Variants in CLIC5 observed in about 807,000 individuals in gnomAD.
CLIC5 encodes CLIC family member 5, also known as chloride intracellular channel protein 5.
In CLIC5, 20 loss-of-function variants were observed where a neutral mutation model predicts 24.7. The ratio of observed to expected loss-of-function variants is 0.81; its 90% CI spans 0.57 to 1.18. The LOEUF is 1.18. Ranked by LOEUF, CLIC5 falls within the 50% of genes most tolerant of loss-of-function variation. The probability of loss-of-function intolerance (pLI) is 0.00; values close to 1 mark genes in which losing one functional copy is unlikely to be tolerated. For synonymous variants in CLIC5, 159 were observed against 135.6 expected (o/e 1.17, Z -1.20); for missense variants, 341 against 326.1 (o/e 1.05, Z -0.35).
At chr6:46,019,994 T>C (rs911137343), upstream of CLIC5, among the ~76,000 whole-genome samples, 2 of 152,020 alleles carry the variant, frequency 1.3e-5, no homozygotes, top group African/African-American at 4.8e-5. Context: ...GTTCTCCTCT[T>C]TTGGTAATTT....
At chr6:46,029,262 G>A (rs949151054) in intron 1 of CLIC5, among the ~76,000 whole-genome samples, 1 of 152,162 alleles carries the variant, frequency 6.6e-6, no homozygotes, top group South Asian at 2.1e-4. Context: ...TTCACTTAAC[G>A]GCTGTTTACT....
chr6:46,066,307 TA>T lies in CLIC5; in HGVS notation c.540+13395del, dbSNP rs146157317. Among the ~76,000 whole-genome samples, 669 of 152,270 alleles carry T rather than the reference TA, an allele frequency of 4.4e-3. 3 individuals are homozygous for T. Among genetic ancestry groups the T allele is most frequent in the African/African-American group, 0.015 (622 of 41,560 alleles). ...GGGAGCACCTCTATTTTTTACTCAC[TA>T]TATCCCCTTTTTCCCATTTACAAAA... On this transcript the variant is annotated intron_variant, in intron 1 of 5. Transcript: ENST00000185206.
At chr6:46,089,014 T>G in the CLIC5 span, among the ~76,000 whole-genome samples, 2 of 152,224 alleles carry the variant, frequency 1.3e-5, no homozygotes, top group East Asian at 1.9e-4. Context: ...AGATTTTGTC[T>G]AATTTTCCTT....
the CLIC5 span, among the ~76,000 whole-genome samples, chr6:46,121,372 A>G: frequency 6.6e-6 from 1 of 152,212 alleles, no homozygotes; most frequent in Non-Finnish European, 1.5e-5. Context: ...TTTACAGACA[A>G]GCAAATGCTG....
intron 1 of CLIC5, among the ~76,000 whole-genome samples, chr6:46,040,916 C>T (rs1767789450): frequency 6.6e-6 from 1 of 152,086 alleles, no homozygotes; most frequent in Non-Finnish European, 1.5e-5. Flanking sequence ...ATATGTTGTA[C>T]ACTTTGACAC....
chr6:45,917,916 C>G (rs1192804748), intron 4 of CLIC5, among the ~76,000 whole-genome samples: 2 of 152,186 alleles, frequency 1.3e-5, no homozygotes, highest in African/African-American at 4.8e-5. Flanking sequence ...ATCCTCACTC[C>G]ACATAATTAC....
chr6:45,957,079 G>A (rs1391458898), intron 1 of CLIC5, among the ~76,000 whole-genome samples: 1 of 152,064 alleles, frequency 6.6e-6, no homozygotes, highest in Non-Finnish European at 1.5e-5. Context: ...CAGTTATGGT[G>A]GAAGTAACAA....
intron 4 of CLIC5, chr6:45,932,688 C>T (rs551748099): frequency 1.0e-4 from 16 of 152,462 alleles, no homozygotes; most frequent in African/African-American, 3.8e-4. Flanking sequence ...AAAAGAAAGA[C>T]CGCCAGTGAT....
At chr6:45,982,196 A>G (rs527518732) in intron 1 of CLIC5, among the ~76,000 whole-genome samples, 1 of 152,122 alleles carries the variant, frequency 6.6e-6, no homozygotes, top group South Asian at 2.1e-4. Context: ...CAAACCTTGG[A>G]CACCTAACCA....
chr6:45,940,403 G>A (rs1413712315), intron 4 of CLIC5, among the ~76,000 whole-genome samples: 1 of 152,180 alleles, frequency 6.6e-6, no homozygotes, highest in Non-Finnish European at 1.5e-5. Flanking sequence ...ACCAAGTTTT[G>A]CACTTGTCAC....
the CLIC5 span, among the ~76,000 whole-genome samples, chr6:46,086,815 C>G: frequency 6.6e-6 from 1 of 152,122 alleles, no homozygotes; most frequent in Non-Finnish European, 1.5e-5. Flanking sequence ...AGGGAGGGAA[C>G]TGTGTGTAAG....
rs1208786532 is a variant in CLIC5 at position 45,898,479 on chromosome 6, T to G, written c.*4609A>C. 6.6e-6 allele frequency: 1 copy of G among 152,632 alleles called. No homozygotes were observed. The highest frequency in any genetic ancestry group is 2.4e-5 in the African/African-American group (1 of 41,450). 9.5% of individuals were successfully genotyped at this position (152,632 alleles called of 1,614,324 possible). On this transcript the variant is annotated 3_prime_UTR_variant, in exon 6 of 6. Transcript: ENST00000339561. ...TGTAATATTTGAAAATAAACCAACT[T>G]TATTTGAATCAGTCAATACCAATCA...
chr6:45,936,655 C>G (rs1581763426), intron 4 of CLIC5, among the ~76,000 whole-genome samples: 1 of 152,096 alleles, frequency 6.6e-6, no homozygotes, highest in South Asian at 2.1e-4. Context: ...AGAGGCAAAG[C>G]TGGTGTCTGA....
the CLIC5 span, among the ~76,000 whole-genome samples, chr6:46,087,755 G>C: frequency 6.6e-6 from 1 of 152,188 alleles, no homozygotes; most frequent in Non-Finnish European, 1.5e-5. Flanking sequence ...ATACTGAGGA[G>C]CCCAGATAGC....
chr6:45,886,104 G>A (rs769165186), intron 6 of CLIC5, among the ~76,000 whole-genome samples: 45 of 152,182 alleles, frequency 3.0e-4, no homozygotes, highest in Non-Finnish European at 5.9e-4. Context: ...GAAGGAGGAG[G>A]CTTCTACCAA....
chr6:45,989,391 G>A (rs1473982219), intron 1 of CLIC5, among the ~76,000 whole-genome samples: 1 of 152,120 alleles, frequency 6.6e-6, no homozygotes, highest in Non-Finnish European at 1.5e-5. Context: ...TTTTGGCTAG[G>A]AAAAGTCAGA....
At chr6:45,955,979 T>C (rs1385447995) in intron 1 of CLIC5, among the ~76,000 whole-genome samples, 2 of 152,194 alleles carry the variant, frequency 1.3e-5, no homozygotes, top group Non-Finnish European at 2.9e-5. Context: ...GAAAATTGAA[T>C]TCCTCCAAGG....
upstream of CLIC5, among the ~76,000 whole-genome samples, chr6:46,085,255 A>C (rs1763007339): frequency 6.6e-6 from 1 of 152,096 alleles, no homozygotes; most frequent in Non-Finnish European, 1.5e-5. Flanking sequence ...TGATCGTCTG[A>C]AGCCTTCTTC....
intron 6 of CLIC5, among the ~76,000 whole-genome samples, chr6:45,887,817 A>G (rs758836107): frequency 2.0e-5 from 3 of 152,240 alleles, no homozygotes; most frequent in Non-Finnish European, 4.4e-5. Flanking sequence ...TAACGCAACT[A>G]TAGAAGAGGG....
Sources: gnomAD v4.1 joint callset for allele counts (sites outside exome capture counted in the v4.1 genomes callset) on GRCh38, gnomAD v4.1.1 for gene constraint, MANE v1.5 for transcripts, NCBI Gene and HGNC (gene_info 2026-07-23, HGNC 2026-07-21) for gene names.